Variants in DSCAML1 observed in about 807,000 individuals in gnomAD.
The protein encoded by DSCAML1 is DS cell adhesion molecule like 1.
Under a neutral mutation model 200.5 loss-of-function variants are expected in DSCAML1, and 38 were observed. The observed-to-expected ratio is 0.19, with a 90% confidence interval of 0.15 to 0.25. DSCAML1 has a LOEUF of 0.25. Ranked by LOEUF, DSCAML1 falls within the 10% of genes least tolerant of loss-of-function variation. The probability of loss-of-function intolerance (pLI) is 1.00; values close to 1 mark genes in which losing one functional copy is unlikely to be tolerated. For missense variants in DSCAML1, 2,223 were observed against 2,858.8 expected, an observed-to-expected ratio of 0.78 and a Z score of 5.07; for synonymous variants, 1,215 against 1,165.0, an observed-to-expected ratio of 1.04 and a Z score of -0.87.
chr11:117,489,606 T>A lies in DSCAML1; in HGVS notation c.2360-7444A>T, dbSNP rs985753813. ...TCTTCTCTCTGAGACCCTGGGGGAG[T>A]GAAGACCCTGGTGTGAAGACGGCCC... On this transcript the variant is annotated intron_variant, in intron 11 of 32. Transcript: ENST00000651296. This position sits in a 1 kb window ranked among gnomAD's most constrained non-coding sequence, Gnocchi z 4.8. Among the ~76,000 whole-genome samples the A allele has an allele frequency of 6.6e-6, 1 of 151,670 alleles. No homozygotes were observed. The highest frequency in any genetic ancestry group is 2.4e-5 in the African/African-American group (1 of 41,202).
At chr11:117,475,817 T>C (rs1012620779) in intron 14 of DSCAML1, among the ~76,000 whole-genome samples, 2 of 152,036 alleles carry the variant, frequency 1.3e-5, no homozygotes, top group Non-Finnish European at 2.9e-5. Context: ...TTGCCTCCCG[T>C]GGTTTGCAGG....
At chr11:117,561,467 C>G (rs2050661610) in intron 3 of DSCAML1, among the ~76,000 whole-genome samples, 1 of 152,244 alleles carries the variant, frequency 6.6e-6, no homozygotes, top group African/African-American at 2.4e-5. Flanking sequence ...GGGATGAAAT[C>G]TGCACATGCT....
chr11:117,532,565 G>A (rs767329925), intron 3 of DSCAML1, 43 bp from the exon 4 acceptor site: 58 of 1,591,792 alleles, frequency 3.6e-5, no homozygotes, highest in Non-Finnish European at 4.6e-5. Flanking sequence ...TCCCGGTTTC[G>A]TACAGCCTCA....
At chr11:117,732,942 G>A (rs985468051) in intron 3 of DSCAML1, among the ~76,000 whole-genome samples, 6 of 152,044 alleles carry the variant, frequency 3.9e-5, no homozygotes, top group Admixed American at 6.5e-5. Context: ...ACCCAGCACT[G>A]CCCTATGTTT....
At chr11:117,815,213 AC>A (rs1483166313) in intron 1 of DSCAML1, among the ~76,000 whole-genome samples, 1 of 152,170 alleles carries the variant, frequency 6.6e-6, no homozygotes, top group Non-Finnish European at 1.5e-5. Context: ...GCGGGAGGGA[AC>A]AAGGGGGTCA....
chr11:117,723,276 C>T (rs186106447), intron 3 of DSCAML1, among the ~76,000 whole-genome samples: 246 of 152,292 alleles, frequency 1.6e-3, no homozygotes, highest in African/African-American at 5.2e-3. Flanking sequence ...TCACTGATAA[C>T]ACATTTTGGA....
chr11:117,430,267 G>T (rs1333122281), intron 32 of DSCAML1, among the ~76,000 whole-genome samples: 4 of 152,200 alleles, frequency 2.6e-5, no homozygotes, highest in Admixed American at 2.6e-4. Context: ...GTTTGTTTGG[G>T]TCTGGATTAA....
At chr11:117,761,470 G>A (rs2054801520) in intron 3 of DSCAML1, among the ~76,000 whole-genome samples, 1 of 152,246 alleles carries the variant, frequency 6.6e-6, no homozygotes, top group South Asian at 2.1e-4. Context: ...CAGATAGTGG[G>A]CTCTGATACC....
At chr11:117,657,262 A>G (rs915172372) in intron 3 of DSCAML1, among the ~76,000 whole-genome samples, 9 of 152,138 alleles carry the variant, frequency 5.9e-5, no homozygotes, top group Non-Finnish European at 4.4e-5. Context: ...CCATAACCCA[A>G]TGGGCTCCTG....
intron 3 of DSCAML1, among the ~76,000 whole-genome samples, chr11:117,574,335 A>G (rs1287948996): frequency 2.6e-5 from 4 of 152,124 alleles, no homozygotes; most frequent in African/African-American, 7.2e-5. Flanking sequence ...AGTCTCTACC[A>G]CTGTGGGGAG....
chr11:117,484,717 CATTGCAGA>C (rs1188586426), intron 11 of DSCAML1, among the ~76,000 whole-genome samples: 1 of 152,200 alleles, frequency 6.6e-6, no homozygotes, highest in Non-Finnish European at 1.5e-5. Flanking sequence ...TCAGGACTTG[CATTGCAGA>C]TGCCTCCATT....
In DSCAML1 at chr11:117,559,196, A is replaced by G. The variant is rs1451248873; in HGVS notation, c.512-26674T>C. 5.3e-5 allele frequency among the ~76,000 whole-genome samples: 8 copies of G among 152,248 alleles called. No homozygotes were observed. The East Asian group carries it at 1.2e-3, about 22-fold the overall frequency. Reference sequence around the variant, plus strand: ...AACATCTTAATATTCAGAAACCCAGACCCAAACCCAATGGAAAATGCCGAC... The same window carrying G: ...AACATCTTAATATTCAGAAACCCAGGCCCAAACCCAATGGAAAATGCCGAC... On this transcript the variant is annotated intron_variant, in intron 3 of 32. Transcript: ENST00000651296.
chr11:117,491,802 G>A (rs2137248417), intron 11 of DSCAML1, among the ~76,000 whole-genome samples: 1 of 152,204 alleles, frequency 6.6e-6, no homozygotes, highest in Admixed American at 6.6e-5. Context: ...AAAACCCCAT[G>A]AATATCAGAG....
chr11:117,643,633 G>T (rs2052456712), intron 3 of DSCAML1, among the ~76,000 whole-genome samples: 1 of 152,150 alleles, frequency 6.6e-6, no homozygotes, highest in Non-Finnish European at 1.5e-5. Flanking sequence ...GGTGAGTGGG[G>T]CGGTCCACTC....
intron 3 of DSCAML1, among the ~76,000 whole-genome samples, chr11:117,592,342 T>C (rs1221195488): frequency 6.6e-6 from 1 of 152,128 alleles, no homozygotes; most frequent in African/African-American, 2.4e-5. Context: ...TGCCTCCCAT[T>C]GAGCTCACAC....
chr11:117,448,696 GCATTGCCCAAA>G (rs1163029924), intron 20 of DSCAML1, among the ~76,000 whole-genome samples: 3 of 152,202 alleles, frequency 2.0e-5, no homozygotes, highest in South Asian at 4.1e-4. Flanking sequence ...ATGGCTGAAA[GCATTGCCCAAA>G]ACACACCAAG....
In DSCAML1 at chr11:117,552,881, G is replaced by T. The variant is rs559849215; in HGVS notation, c.512-20359C>A. On this transcript the variant is annotated intron_variant, in intron 3 of 32. Transcript: ENST00000651296. ...CAGGGAATTCAACAGGCACAGACCC[G>T]AGTGTCTGCTTACTACAAGTGCGCG... Among the ~76,000 whole-genome samples, 5 of 152,286 alleles carry T rather than the reference G, an allele frequency of 3.3e-5. No individual in the cohort carries two copies. The South Asian group carries it at 1.0e-3, about 32-fold the overall frequency.
At chr11:117,675,000 C>T (rs2053181968) in intron 3 of DSCAML1, among the ~76,000 whole-genome samples, 1 of 152,106 alleles carries the variant, frequency 6.6e-6, no homozygotes, top group South Asian at 2.1e-4. Context: ...GAGCAGATGC[C>T]AGAACCCGCT....
At chr11:117,574,217 A>G (rs2137443343) in intron 3 of DSCAML1, among the ~76,000 whole-genome samples, 1 of 152,248 alleles carries the variant, frequency 6.6e-6, no homozygotes, top group East Asian at 1.9e-4. Flanking sequence ...TTTGGGCAAA[A>G]CCTACCCATT....
Sources: gnomAD v4.1 joint callset for allele counts (sites outside exome capture counted in the v4.1 genomes callset) on GRCh38, gnomAD v4.1.1 for gene constraint, Gnocchi (gnomAD v3.1) non-coding constraint, MANE v1.5 for transcripts, NCBI Gene and HGNC (gene_info 2026-07-23, HGNC 2026-07-21) for gene names.